PCDHA3: variants seen among roughly 807,000 people sequenced by gnomAD.
PCDHA3 encodes the protein protocadherin alpha-3.
A neutral mutation model predicts 62.2 loss-of-function variants in PCDHA3; 41 were observed. The observed-to-expected ratio is 0.66, with a 90% CI of 0.51 to 0.86. The LOEUF (loss-of-function observed/expected upper bound fraction) is 0.86, where lower values mean the gene tolerates loss of function less well. Among genes scored for constraint, PCDHA3 ranks in the 40% least tolerant of loss-of-function variants. PCDHA3 has a pLI of 0.00. For missense variants in PCDHA3, 1,304 were observed against 1,241.2 expected (o/e 1.05, Z -0.76); for synonymous variants, 640 against 555.4 (o/e 1.15, Z -2.14).
In PCDHA3 at chr5:140,963,375, C is replaced by A. The variant is rs1425392684; in HGVS notation, c.2395-15574C>A. On this transcript the variant is annotated intron_variant, in intron 1 of 3. Transcript: ENST00000522353. ...CTTTTCAAAGAACATTAATTGAGCA[C>A]CTCTGTGCCAAGCTCCCTACTGGAT... is the stretch of plus-strand genomic sequence containing the variant. Among the ~76,000 whole-genome samples, 15 of 152,176 alleles carry A rather than the reference C, an allele frequency of 9.9e-5. 1 individual carries two copies. The highest frequency in any genetic ancestry group is 5.2e-4 in the Admixed American group (8 of 15,290).
chr5:140,933,629 C>G (rs958764636), intron 1 of PCDHA3, among the ~76,000 whole-genome samples: 1 of 151,846 alleles, frequency 6.6e-6, no homozygotes, highest in Non-Finnish European at 1.5e-5. Context: ...TTAGGCTGGC[C>G]CTGTTAAACA....
chr5:140,830,417 C>G, intron 1 of PCDHA3: 2 of 1,614,096 alleles, frequency 1.2e-6, no homozygotes, highest in Non-Finnish European at 1.7e-6. Context: ...TAGCCCCAGC[C>G]TTTCACCTTG....
chr5:140,812,086 T>G (rs1198053589), intron 1 of PCDHA3: 4 of 151,976 alleles, frequency 2.6e-5, no homozygotes, highest in African/African-American at 7.2e-5. Context: ...AAAACAATTA[T>G]CATTGATTCT....
chr5:140,905,472 C>T (rs782287736), intron 1 of PCDHA3, among the ~76,000 whole-genome samples: 14 of 152,042 alleles, frequency 9.2e-5, no homozygotes, highest in Non-Finnish European at 1.6e-4. Flanking sequence ...TAATGTGATG[C>T]CTTCAGATTT....
intron 1 of PCDHA3, among the ~76,000 whole-genome samples, chr5:140,894,564 T>C (rs1554186142): frequency 6.6e-6 from 1 of 151,978 alleles, no homozygotes; most frequent in Non-Finnish European, 1.5e-5. Context: ...GAAAAAATTA[T>C]TTTCCTTTTT....
chr5:140,858,032 G>A lies in PCDHA3; in HGVS notation c.2394+54441G>A. 6.3e-7 allele frequency: 1 copy of A among 1,597,242 alleles called. No homozygotes were observed. The highest frequency in any genetic ancestry group is 8.6e-7 in the Non-Finnish European group (1 of 1,167,272). The stretch of plus-strand genomic sequence containing the variant: ...TGGCGAGCCGTCGCTGACGGCCACG[G>A]CCACTGTGCTTGTGTCGCTTGTGGA... On this transcript the variant is annotated intron_variant, in intron 1 of 3. Transcript: ENST00000522353.
At position 140,821,972 on chromosome 5, in the gene PCDHA3, C is replaced by T. The variant is rs2150112402; in HGVS notation, c.2394+18381C>T. On this transcript the variant is annotated intron_variant, in intron 1 of 3. Transcript: ENST00000522353. ...CTGGTGCCGCGCCTGTTCCGGGTGG[C>T]GTCCAAGGGCCGCGGGGACCTTCTG... The T allele has an allele frequency of 7.4e-6, 12 of 1,614,018 alleles. No homozygotes were observed. In the African/African-American group the frequency reaches 9.3e-5, roughly 13 times the overall value.
At chr5:140,976,491 C>T (rs1478947639) in intron 1 of PCDHA3, among the ~76,000 whole-genome samples, 2 of 152,172 alleles carry the variant, frequency 1.3e-5, no homozygotes, top group East Asian at 1.9e-4. Context: ...GCAGAGGTTG[C>T]AGGGAGCCAA....
intron 1 of PCDHA3, chr5:140,822,232 C>T (rs1408696060): frequency 1.2e-6 from 2 of 1,614,214 alleles, no homozygotes; most frequent in Admixed American, 3.3e-5. Flanking sequence ...GCGGTTTCCG[C>T]TAGAGGGCGC....
chr5:140,882,708 C>T, intron 1 of PCDHA3: 2 of 1,614,174 alleles, frequency 1.2e-6, no homozygotes, highest in Non-Finnish European at 1.7e-6. Flanking sequence ...GAATCTAGAC[C>T]TCCGGAAACT....
chr5:140,965,796 A>AT (rs1377584212), intron 1 of PCDHA3, among the ~76,000 whole-genome samples: 2 of 152,134 alleles, frequency 1.3e-5, no homozygotes, highest in Non-Finnish European at 2.9e-5. Flanking sequence ...CATGGAGACT[A>AT]TTTTTTTAAA....
chr5:140,972,758 A>G lies in PCDHA3; in HGVS notation c.2395-6191A>G, dbSNP rs563540989. Among the ~76,000 whole-genome samples, 16 of 150,884 alleles carry G rather than the reference A, an allele frequency of 1.1e-4. No individual in the cohort carries two copies. In the South Asian group the frequency reaches 3.4e-3, roughly 32 times the overall value. On this transcript the variant is annotated intron_variant, in intron 1 of 3. Transcript: ENST00000522353. ...GGCTCACTGCAACCTCCGCCTCCCA[A>G]GTTAAAGTGATTCTTCTGCCTCAGC...
chr5:140,858,273 C>G, intron 1 of PCDHA3: 1 of 1,596,972 alleles, frequency 6.3e-7, no homozygotes, highest in Non-Finnish European at 8.6e-7. Context: ...TGCTCTAGCG[C>G]GGTGGGGAGC....
intron 1 of PCDHA3, among the ~76,000 whole-genome samples, chr5:140,839,578 T>TG (rs1264891718): frequency 1.3e-5 from 2 of 151,912 alleles, no homozygotes; most frequent in Non-Finnish European, 2.9e-5. Context: ...TTTGTAGAGA[T>TG]GGGGTCTTAC....
chr5:140,967,769 G>A (rs1213232834), intron 1 of PCDHA3: 1 of 1,614,104 alleles, frequency 6.2e-7, no homozygotes, highest in Non-Finnish European at 8.5e-7. Flanking sequence ...CCAGATCTAT[G>A]TGCAGGCGAC....
intron 1 of PCDHA3, among the ~76,000 whole-genome samples, chr5:140,921,217 T>G (rs2080100928): frequency 6.6e-6 from 1 of 152,122 alleles, no homozygotes; most frequent in African/African-American, 2.4e-5. Flanking sequence ...ATTCACGTCT[T>G]TTTTGCTAGA....
intron 1 of PCDHA3, among the ~76,000 whole-genome samples, chr5:140,918,603 A>G (rs2078773753): frequency 6.6e-6 from 1 of 152,252 alleles, no homozygotes; most frequent in African/African-American, 2.4e-5. Context: ...AGATGTTGCT[A>G]TGATATGAAT....
intron 1 of PCDHA3, chr5:140,827,876 G>A (rs902011633): frequency 7.7e-6 from 5 of 646,162 alleles, no homozygotes; most frequent in Admixed American, 2.9e-5. Context: ...GCACTGTTAC[G>A]TGAATTGATT....
chr5:140,841,203 T>C, intron 1 of PCDHA3: 1 of 1,324,274 alleles, frequency 7.6e-7, no homozygotes, highest in Non-Finnish European at 1.0e-6. Flanking sequence ...TCTGACAGCA[T>C]CTGTCTCTAA....
Sources: allele counts gnomAD v4.1 joint callset (sites outside exome capture counted in the v4.1 genomes callset), GRCh38; gene constraint gnomAD v4.1.1; transcripts MANE v1.5; gene names NCBI Gene and HGNC (gene_info 2026-07-23, HGNC 2026-07-21).